The following NTSR1 variants were observed in gnomAD, a reference collection of about 807,000 sequenced individuals.
NTSR1 encodes the protein neurotensin receptor 1.
In NTSR1, 29 loss-of-function variants were observed where a neutral mutation model predicts 31.2. The ratio of observed to expected loss-of-function variants is 0.93; its 90% CI spans 0.69 to 1.27. The LOEUF (loss-of-function observed/expected upper bound fraction) is 1.27. Among genes scored for constraint, NTSR1 ranks in the 50% most tolerant of loss-of-function variants. The pLI, the probability that NTSR1 is intolerant of heterozygous loss-of-function variation, is 0.00. For synonymous variants in NTSR1, 282 were observed against 269.9 expected (o/e 1.04, Z -0.44); for missense variants, 697 against 595.4 (o/e 1.17, Z -1.78).
rs1360796473 is a variant in NTSR1, at chr20:62,714,582, C to T, written c.714+4661C>T. Among the ~76,000 whole-genome samples the T allele has an allele frequency of 2.0e-5, 3 of 152,148 alleles. No homozygotes were observed. Among genetic ancestry groups the T allele is most frequent in the Non-Finnish European group, 2.9e-5 (2 of 68,030 alleles). On this transcript the variant is annotated intron_variant, in intron 1 of 3. Coordinates refer to ENST00000370501, the MANE Select transcript of NTSR1 (RefSeq NM_002531.3). This position sits in a 1 kb window ranked among gnomAD's most constrained non-coding sequence, Gnocchi z 4.1. ...CCCTGGTGTGCACACAGCCTCGTGG[C>T]ATCCTTGGAGCAAAGCCATTGAATC... is the stretch of plus-strand genomic sequence containing the variant.
chr20:62,738,972 C>T lies in NTSR1; in HGVS notation c.715-15713C>T, dbSNP rs1568704862. On this transcript the variant is annotated intron_variant, in intron 1 of 3. Transcript: ENST00000370501. ...GGATCTAGAAATGGGAAAGCTGGGA[C>T]TTGTCGCCTCCCCAGTGATCTATCT... Among the ~76,000 whole-genome samples, 3 of 152,356 alleles carry T rather than the reference C, an allele frequency of 2.0e-5. No homozygotes were observed. In the East Asian group the frequency reaches 5.8e-4, roughly 29 times the overall value.
In NTSR1 at chr20:62,720,570, T is replaced by A. The variant is rs368755860; in HGVS notation, c.714+10649T>A. On this transcript the variant is annotated intron_variant, in intron 1 of 3. Transcript: ENST00000370501. ...TATGGCTAGGATTTTATTAACATTA[T>A]TGTTCTTTTTCAAGAATGAGCTTTT... 1.4e-4 allele frequency among the ~76,000 whole-genome samples: 21 copies of A among 152,324 alleles called. No homozygotes were observed. In the South Asian group the frequency reaches 3.7e-3, roughly 27 times the overall value.
At chr20:62,757,253 T>C (rs190673718) in intron 2 of NTSR1, among the ~76,000 whole-genome samples, 3 of 152,362 alleles carry the variant, frequency 2.0e-5, no homozygotes, top group Admixed American at 2.0e-4. Flanking sequence ...TTTTTGTATA[T>C]GGTGTGAGGG....
Position 62,760,093 on chromosome 20 carries a change from C to T in NTSR1, c.1083C>T (p.Pro361=). 2.5e-6 allele frequency: 4 copies of T among 1,614,182 alleles called. No homozygotes were observed. Among genetic ancestry groups the T allele is most frequent in the Non-Finnish European group, 3.4e-6 (4 of 1,180,020 alleles). ...ALFYVSSTIN[P]ILYNLVSANF... ...TCTACGTCAGCTCCACCATCAACCCCATCCTGTACAACCTCGTCTCTGCCA... is the reference window on the plus strand; with the variant it reads ...TCTACGTCAGCTCCACCATCAACCCTATCCTGTACAACCTCGTCTCTGCCA... Residue 361 remains proline (P), a synonymous_variant, in exon 4 of 4, where the codon CCC becomes CCT. Coordinates refer to ENST00000370501, the MANE Select transcript of NTSR1 (RefSeq NM_002531.3).
At position 62,737,631 on chromosome 20, in the gene NTSR1, G is replaced by A. The variant is rs545502582; in HGVS notation, c.715-17054G>A. The stretch of plus-strand genomic sequence containing the variant: ...AGAGAGATGCCGTCCCTGCCTGGGC[G>A]CTGCGATCCTCCTTCCTTCCCACCT... On this transcript the variant is annotated intron_variant, in intron 1 of 3. Transcript: ENST00000370501. Among the ~76,000 whole-genome samples, 25 of 152,122 alleles carry A rather than the reference G, an allele frequency of 1.6e-4. No homozygotes were observed. The East Asian group carries it at 4.1e-3, about 25-fold the overall frequency.
Position 62,754,915 on chromosome 20 carries a change from G to A in NTSR1, c.916+29G>A, listed in dbSNP as rs199782585. ...CGTAACCTCTGGGCCCTCCAGGGGCGGGAGGCAGGCCAGGGCTAGCAAAGG... is the reference window on the plus strand; with the variant it reads ...CGTAACCTCTGGGCCCTCCAGGGGCAGGAGGCAGGCCAGGGCTAGCAAAGG... On this transcript the variant is annotated intron_variant, in intron 2 of 3. Coordinates refer to ENST00000370501, the MANE Select transcript of NTSR1 (RefSeq NM_002531.3). 1.8e-4 allele frequency: 275 copies of A among 1,554,130 alleles called. 1 individual carries two copies. In the East Asian group the frequency reaches 5.0e-3, roughly 28 times the overall value.
At chr20:62,756,178 GA>G (rs1316799465) in intron 2 of NTSR1, among the ~76,000 whole-genome samples, 3 of 152,092 alleles carry the variant, frequency 2.0e-5, no homozygotes, top group African/African-American at 7.2e-5. Flanking sequence ...TGAGCATGAA[GA>G]AAAAAATACC....
rs975042909 is a variant in NTSR1, at chr20:62,731,714, A to G, written c.714+21793A>G. On this transcript the variant is annotated intron_variant, in intron 1 of 3. Coordinates refer to ENST00000370501, the MANE Select transcript of NTSR1 (RefSeq NM_002531.3). ...TCTGTTGAAAGACAGTCTTTTCAAC[A>G]TCAATAACTTTTGCTTCTTTCTCAA... Among the ~76,000 whole-genome samples, 3 of 152,248 alleles carry G rather than the reference A, an allele frequency of 2.0e-5. No homozygotes were observed. The East Asian group carries it at 5.8e-4, about 29-fold the overall frequency.
At chr20:62,751,255 A>T (rs1027645039) in intron 1 of NTSR1, among the ~76,000 whole-genome samples, 1 of 152,230 alleles carries the variant, frequency 6.6e-6, no homozygotes, top group African/African-American at 2.4e-5. Flanking sequence ...ATTTAAATTT[A>T]AAACTTCCAT....
intron 1 of NTSR1, among the ~76,000 whole-genome samples, chr20:62,752,635 C>T (rs1050364180): frequency 6.6e-6 from 1 of 152,232 alleles, no homozygotes; most frequent in Non-Finnish European, 1.5e-5. Flanking sequence ...ATTTTTGCAG[C>T]CAGCCGTGTT....
Position 62,726,039 on chromosome 20 carries a change from G to T in NTSR1, c.714+16118G>T, listed in dbSNP as rs573004399. ...CTGGGGCTTGACCAGAATGTCGGGG[G>T]CAGCATTTGGGGTAGAATAAAATGG... On this transcript the variant is annotated intron_variant, in intron 1 of 3. Coordinates refer to ENST00000370501, the MANE Select transcript of NTSR1 (RefSeq NM_002531.3). Among the ~76,000 whole-genome samples the T allele has an allele frequency of 1.4e-4, 21 of 152,344 alleles. No homozygotes were observed. The South Asian group carries it at 3.5e-3, about 26-fold the overall frequency.
intron 1 of NTSR1, among the ~76,000 whole-genome samples, chr20:62,723,852 G>A (rs1988862489): frequency 6.6e-6 from 1 of 152,232 alleles, no homozygotes; most frequent in Non-Finnish European, 1.5e-5. Flanking sequence ...AAACACTGGG[G>A]TTGCTTTGAA....
chr20:62,714,373 G>T lies in NTSR1; in HGVS notation c.714+4452G>T, dbSNP rs1221955857. The stretch of plus-strand genomic sequence containing the variant: ...CCTTTTCTATTCAAACGGTACTTTA[G>T]AATAACCCAAGAGTAGATAAAAGGC... On this transcript the variant is annotated intron_variant, in intron 1 of 3. Transcript: ENST00000370501. This position sits in a 1 kb window ranked among gnomAD's most constrained non-coding sequence, Gnocchi z 4.1. Among the ~76,000 whole-genome samples the T allele has an allele frequency of 1.3e-5, 2 of 152,212 alleles. No individual in the cohort carries two copies. The highest frequency in any genetic ancestry group is 2.9e-5 in the Non-Finnish European group (2 of 68,038).
At position 62,745,728 on chromosome 20, in the gene NTSR1, GA is replaced by G. The variant is rs1989289078; in HGVS notation, c.715-8956del. Reference sequence around the variant, plus strand: ...CTTGGCGTGGACCTCGCTGGGACTGGATGGCCTTCTCTACAGCTGCTGAACA... The same window carrying G: ...CTTGGCGTGGACCTCGCTGGGACTGGTGGCCTTCTCTACAGCTGCTGAACA... On this transcript the variant is annotated intron_variant, in intron 1 of 3. Transcript: ENST00000370501. This position sits in a 1 kb window ranked among gnomAD's most constrained non-coding sequence, Gnocchi z 4.1. Among the ~76,000 whole-genome samples, 3 of 152,344 alleles carry G rather than the reference GA, an allele frequency of 2.0e-5. No individual in the cohort carries two copies. The South Asian group carries it at 6.2e-4, about 32-fold the overall frequency.
Position 62,758,044 on chromosome 20 carries a change from CCT to C in NTSR1, c.917-221_917-220del, listed in dbSNP as rs2147150268. The stretch of plus-strand genomic sequence containing the variant: ...GTGCAGTGGGTCTCTGAGCCCATGT[CCT>C]GTCTCTGAGCCCACGTCTCTGTGCC... On this transcript the variant is annotated intron_variant, in intron 2 of 3. Transcript: ENST00000370501. This position sits in a 1 kb window ranked among gnomAD's most constrained non-coding sequence, Gnocchi z 4.5. 6.7e-6 allele frequency among the ~76,000 whole-genome samples: 1 copy of C among 149,468 alleles called. No homozygotes were observed. Among genetic ancestry groups the C allele is most frequent in the East Asian group, 2.0e-4 (1 of 5,096 alleles).
rs540586348 is a variant in NTSR1, at chr20:62,739,079, T to C, written c.715-15606T>C. ...TCCTCACTGTTGTAAAGGAAAGCCC[T>C]GCGTGGCTGTGAGGGAGACGCGTGT... On this transcript the variant is annotated intron_variant, in intron 1 of 3. Coordinates refer to ENST00000370501, the MANE Select transcript of NTSR1 (RefSeq NM_002531.3). 5.9e-5 allele frequency among the ~76,000 whole-genome samples: 9 copies of C among 152,320 alleles called. No homozygotes were observed. In the South Asian group the frequency reaches 6.2e-4, roughly 11 times the overall value.
At chr20:62,749,024 C>T (rs1989348476) in intron 1 of NTSR1, among the ~76,000 whole-genome samples, 1 of 152,144 alleles carries the variant, frequency 6.6e-6, no homozygotes. Context: ...GTAAATTACC[C>T]AGTTTCAGGT....
chr20:62,714,766 G>A lies in NTSR1; in HGVS notation c.714+4845G>A, dbSNP rs536147595. 2.2e-4 allele frequency among the ~76,000 whole-genome samples: 34 copies of A among 152,330 alleles called. No homozygotes were observed. Among genetic ancestry groups the A allele is most frequent in the Non-Finnish European group, 3.8e-4 (26 of 68,026 alleles). ...TTCTACAAACAGTGAGGGAATCGGAGACGGTGGCCTGGTTTCTTAGCAAAG... is the reference window on the plus strand; with the variant it reads ...TTCTACAAACAGTGAGGGAATCGGAAACGGTGGCCTGGTTTCTTAGCAAAG... On this transcript the variant is annotated intron_variant, in intron 1 of 3. Coordinates refer to ENST00000370501, the MANE Select transcript of NTSR1 (RefSeq NM_002531.3). The surrounding 1 kb of genome is among the most constrained non-coding windows in gnomAD (Gnocchi z 4.1).
In NTSR1 at chr20:62,743,945, GT is replaced by G. The variant is rs1989249645; in HGVS notation, c.715-10739del. Among the ~76,000 whole-genome samples the G allele has an allele frequency of 6.6e-6, 1 of 152,076 alleles. No homozygotes were observed. Among genetic ancestry groups the G allele is most frequent in the Non-Finnish European group, 1.5e-5 (1 of 68,022 alleles). On this transcript the variant is annotated intron_variant, in intron 1 of 3. Transcript: ENST00000370501. The surrounding 1 kb of genome is among the most constrained non-coding windows in gnomAD (Gnocchi z 7.5). ...GTGCACCCCTCCCGCTCCCCACCTG[GT>G]CTCCACGGCCAAGCTCAGACCAACC...
Sources: allele counts gnomAD v4.1 joint callset (sites outside exome capture counted in the v4.1 genomes callset), GRCh38; gene constraint gnomAD v4.1.1; non-coding constraint Gnocchi (gnomAD v3.1); transcripts MANE v1.5; gene names NCBI Gene and HGNC (gene_info 2026-07-23, HGNC 2026-07-21).